PRKACB: variants seen among roughly 807,000 people sequenced by gnomAD.
The protein encoded by PRKACB is protein kinase cAMP-activated catalytic subunit beta, also known as cAMP-dependent protein kinase catalytic subunit beta.
Under a neutral mutation model 51.4 loss-of-function variants are expected in PRKACB, and 16 were observed. The ratio of observed to expected loss-of-function variants is 0.31; its 90% CI spans 0.21 to 0.47. PRKACB has a LOEUF of 0.47. Ranked by LOEUF, PRKACB falls within the 20% of genes least tolerant of loss-of-function variation. The pLI, the probability that PRKACB is intolerant of heterozygous loss-of-function variation, is 1.00. For missense variants in PRKACB, 309 were observed against 464.5 expected (o/e 0.67, Z 3.08); for synonymous variants, 147 against 154.4 (o/e 0.95, Z 0.35).
chr1:84,194,994 A>T (rs563027195), intron 5 of PRKACB, among the ~76,000 whole-genome samples: 1 of 152,328 alleles, frequency 6.6e-6, no homozygotes, highest in East Asian at 1.9e-4. Flanking sequence ...ATGGAAATTA[A>T]TATTTTATAA....
At chr1:84,078,632 G>C (rs1647278692) in intron 1 of PRKACB, among the ~76,000 whole-genome samples, 1 of 152,204 alleles carries the variant, frequency 6.6e-6, no homozygotes, top group Non-Finnish European at 1.5e-5. Flanking sequence ...TCACTCTAGC[G>C]AGGAGGACTT....
intron 1 of PRKACB, among the ~76,000 whole-genome samples, chr1:84,081,924 C>T (rs550119719): frequency 4.3e-4 from 66 of 152,126 alleles, no homozygotes; most frequent in Non-Finnish European, 6.9e-4. Context: ...ATCTCTCTGT[C>T]CTGTGGATTT....
intron 2 of PRKACB, chr1:84,181,655 C>T (rs1226026195): frequency 1.8e-5 from 26 of 1,482,028 alleles, no homozygotes; most frequent in East Asian, 5.1e-5. Flanking sequence ...CCACTAGGCT[C>T]TCTCATGCTG....
chr1:84,145,178 A>G (rs1653882417), intron 1 of PRKACB, among the ~76,000 whole-genome samples: 1 of 152,150 alleles, frequency 6.6e-6, no homozygotes, highest in Non-Finnish European at 1.5e-5. Flanking sequence ...TCTTTCAGGC[A>G]TGTTAAAATG....
At chr1:84,227,452 A>C (rs569062155) in intron 9 of PRKACB, among the ~76,000 whole-genome samples, 3 of 152,120 alleles carry the variant, frequency 2.0e-5, no homozygotes, top group Non-Finnish European at 4.4e-5. Flanking sequence ...TAGTATGCTA[A>C]AGATTTATGG....
intron 1 of PRKACB, among the ~76,000 whole-genome samples, chr1:84,147,364 C>A (rs1157370593): frequency 6.6e-6 from 1 of 151,970 alleles, no homozygotes; most frequent in African/African-American, 2.4e-5. Context: ...CAGTTTACCT[C>A]CTATTTGTTA....
intron 1 of PRKACB, among the ~76,000 whole-genome samples, chr1:84,097,348 C>T (rs1216690437): frequency 3.3e-5 from 5 of 151,858 alleles, no homozygotes; most frequent in South Asian, 2.1e-4. Flanking sequence ...AAACTGTTTT[C>T]GAAAGAGGTT....
chr1:84,090,988 T>A (rs571597314), intron 1 of PRKACB, among the ~76,000 whole-genome samples: 1 of 152,266 alleles, frequency 6.6e-6, no homozygotes, highest in South Asian at 2.1e-4. Flanking sequence ...TGTATAATAA[T>A]ATGTCTTCTC....
At chr1:84,162,842 G>T (rs1308471214) in intron 1 of PRKACB, among the ~76,000 whole-genome samples, 1 of 151,866 alleles carries the variant, frequency 6.6e-6, no homozygotes, top group African/African-American at 2.4e-5. Flanking sequence ...CCTCATTGTG[G>T]ATCACACAAG....
intron 1 of PRKACB, among the ~76,000 whole-genome samples, chr1:84,121,396 T>C (rs1021973916): frequency 1.3e-5 from 2 of 152,096 alleles, no homozygotes; most frequent in African/African-American, 4.8e-5. Context: ...TATATATTCA[T>C]ATACATATAT....
rs769633210 is a variant in PRKACB at position 84,164,873 on chromosome 1, C to T, written c.188-14304C>T. The T allele has an allele frequency of 1.2e-4, 164 of 1,385,422 alleles. 2 individuals carry two copies. The African/African-American group carries it at 1.4e-3, about 12-fold the overall frequency. The allele number at this position is 1,385,422 out of a possible 1,614,324, so 85.8% of individuals were successfully genotyped here. ...TTTTAAAACAAAAGAAAGCTCTTTTCGTTTTCTGTGTGCTGCATGCTCCAG... is the reference window on the plus strand; with the variant it reads ...TTTTAAAACAAAAGAAAGCTCTTTTTGTTTTCTGTGTGCTGCATGCTCCAG... On this transcript the variant is annotated intron_variant, in intron 1 of 9. Transcript: ENST00000370685.
In PRKACB at chr1:84,237,165, A is replaced by G. The variant is rs1382273628; in HGVS notation, c.*1860A>G. 1.3e-5 allele frequency: 2 copies of G among 152,520 alleles called. No individual in the cohort carries two copies. Among genetic ancestry groups the G allele is most frequent in the Non-Finnish European group, 2.9e-5 (2 of 67,992 alleles). The allele number at this position is 152,520 out of a possible 1,614,324, so 9.4% of individuals were successfully genotyped here. On this transcript the variant is annotated 3_prime_UTR_variant, in exon 10 of 10. Transcript: ENST00000370685. ...AAAACGTGCAAGAAAAAAATAAAAT[A>G]CTCTGCTCTAGCAAGTTTTGTGTAA...
intron 1 of PRKACB, among the ~76,000 whole-genome samples, chr1:84,092,484 T>C (rs796298815): frequency 2.6e-5 from 4 of 152,322 alleles, no homozygotes; most frequent in African/African-American, 9.6e-5. Context: ...TTGTACATGA[T>C]TTTTGGTAAA....
chr1:84,194,606 C>T (rs1456346491), intron 5 of PRKACB, among the ~76,000 whole-genome samples: 1 of 152,136 alleles, frequency 6.6e-6, no homozygotes, highest in East Asian at 1.9e-4. Flanking sequence ...GCACTTGGAA[C>T]ATTTTACTTT....
rs1671065824 is a variant in PRKACB, at chr1:84,204,769, A to G, written c.906+1964A>G. ...ACTTTTATTTATATTCATATAAGAA[A>G]TCCAATTTTCTAACAAGGATACTGT... On this transcript the variant is annotated intron_variant, in intron 8 of 9. Transcript: ENST00000370685. The G allele has an allele frequency of 7.9e-6, 7 of 886,192 alleles. No individual in the cohort carries two copies. In the East Asian group the frequency reaches 2.4e-4, roughly 31 times the overall value. 54.9% of individuals were successfully genotyped at this position (886,192 alleles called of 1,614,324 possible).
intron 2 of PRKACB, among the ~76,000 whole-genome samples, chr1:84,180,699 G>T (rs887096657): frequency 1.3e-5 from 2 of 151,956 alleles, no homozygotes; most frequent in Non-Finnish European, 2.9e-5. Context: ...TCTTAAAGAT[G>T]CCATTACTAT....
At chr1:84,167,898 T>A (rs1290972996) in intron 1 of PRKACB, among the ~76,000 whole-genome samples, 1 of 151,596 alleles carries the variant, frequency 6.6e-6, no homozygotes, top group Non-Finnish European at 1.5e-5. Flanking sequence ...AGTACCTTTA[T>A]CTTTCTAGTA....
At chr1:84,216,517 G>T (rs759632701) in intron 9 of PRKACB, among the ~76,000 whole-genome samples, 1 of 151,926 alleles carries the variant, frequency 6.6e-6, no homozygotes, top group Non-Finnish European at 1.5e-5. Flanking sequence ...CATTATTATC[G>T]CAAATAGATA....
At chr1:84,234,756 C>T (rs190250682) in intron 9 of PRKACB, among the ~76,000 whole-genome samples, 98 of 152,340 alleles carry the variant, frequency 6.4e-4, no homozygotes, top group African/African-American at 2.2e-3. Context: ...TGAGGCAATG[C>T]CTTGCCCTGC....
Sources: allele counts gnomAD v4.1 joint callset (sites outside exome capture counted in the v4.1 genomes callset), GRCh38; gene constraint gnomAD v4.1.1; transcripts MANE v1.5; gene names NCBI Gene and HGNC (gene_info 2026-07-23, HGNC 2026-07-21).